COLQ: variants seen among roughly 807,000 people sequenced by gnomAD.
COLQ encodes acetylcholinesterase collagenic tail peptide.
A neutral mutation model predicts 69.0 loss-of-function variants in COLQ; 48 were observed. That is an observed-to-expected ratio of 0.70 (90% CI 0.55 to 0.88). COLQ has a LOEUF of 0.88. Ranked by LOEUF, COLQ falls within the 40% of genes least tolerant of loss-of-function variation. COLQ has a pLI of 0.00. For synonymous variants in COLQ, 217 were observed against 211.2 expected, an observed-to-expected ratio of 1.03 and a Z score of -0.24; for missense variants, 618 against 594.6, an observed-to-expected ratio of 1.04 and a Z score of -0.41.
chr3:15,518,468 G>A, intron 1 of COLQ, among the ~76,000 whole-genome samples: 1 of 152,214 alleles, frequency 6.6e-6, no homozygotes, highest in East Asian at 1.9e-4. Flanking sequence ...GCCTGAAATA[G>A]TTTTGTGTGT....
In COLQ at chr3:15,455,982, T is replaced by C; in HGVS notation, c.1112A>G (p.Gln371Arg). The C allele has an allele frequency of 6.2e-7, 1 of 1,614,004 alleles. No individual in the cohort carries two copies. The highest frequency in any genetic ancestry group is 8.5e-7 in the Non-Finnish European group (1 of 1,179,950). Residue 371 changes from glutamine to arginine, a missense_variant, in exon 15 of 17, where the codon CAG (glutamine) becomes CGG (arginine). By Grantham distance (43) the Gln-to-Arg change is conservative. Transcript: ENST00000383788. ...GAGCCCATCCCCACAGGTGCCGTGC[T>C]GGTCTGCAGTGTAATCCACAGGGTA... ...PFYPVDYTAD[Q>R]HGTCGDGLLQ... is the part of the protein sequence containing the mutation.
At chr3:15,478,783 C>G (rs2062424680) in intron 5 of COLQ, 194 bp downstream of exon 5, 1 of 697,922 alleles carries the variant, frequency 1.4e-6, no homozygotes, top group Non-Finnish European at 2.5e-6. Flanking sequence ...GTAGCAGGCT[C>G]CTGCTCCTGA....
At chr3:15,468,226 A>T (rs1234539510) in intron 11 of COLQ, among the ~76,000 whole-genome samples, 1 of 151,450 alleles carries the variant, frequency 6.6e-6, no homozygotes, top group Non-Finnish European at 1.5e-5. Flanking sequence ...AGCAGGACTC[A>T]CTGAGTAGAG....
At chr3:15,501,007 C>A (rs2062821894) in intron 1 of COLQ, among the ~76,000 whole-genome samples, 1 of 152,166 alleles carries the variant, frequency 6.6e-6, no homozygotes, top group Non-Finnish European at 1.5e-5. Context: ...GTCTGTGATT[C>A]CTGAAACATC....
chr3:15,502,628 G>A (rs1463317168), intron 1 of COLQ, among the ~76,000 whole-genome samples: 1 of 152,112 alleles, frequency 6.6e-6, no homozygotes, highest in Non-Finnish European at 1.5e-5. Context: ...TGCCCAGGCT[G>A]GTCTTGAACT....
chr3:15,467,404 G>A (rs1456874480), intron 11 of COLQ, among the ~76,000 whole-genome samples: 1 of 152,250 alleles, frequency 6.6e-6, no homozygotes, highest in African/African-American at 2.4e-5. Flanking sequence ...GGTTTGTACA[G>A]AACGAAGAGC....
intron 14 of COLQ, 95 bp from the exon 15 acceptor site, chr3:15,456,114 G>A (rs192611720): frequency 7.0e-6 from 10 of 1,432,396 alleles, no homozygotes; most frequent in Non-Finnish European, 9.7e-6. Flanking sequence ...GGCACTGCTG[G>A]GGGGCATGCC....
At chr3:15,505,975 G>T (rs1397583940) in intron 1 of COLQ, among the ~76,000 whole-genome samples, 1 of 152,120 alleles carries the variant, frequency 6.6e-6, no homozygotes, top group East Asian at 1.9e-4. Flanking sequence ...ATTGTCCAAG[G>T]GTCCACAACA....
In COLQ at chr3:15,520,310, G is replaced by GC. The variant is rs547594283; in HGVS notation, c.106+1209dup. On this transcript the variant is annotated intron_variant, in intron 1 of 16. Coordinates refer to ENST00000383788, the MANE Select transcript of COLQ (RefSeq NM_005677.4). ...ACCCTCCTGAATTCTCCACAAATCT[G>GC]CCCCCACCTCCTTCTGTTTCTCACA... 1.3e-3 allele frequency among the ~76,000 whole-genome samples: 191 copies of GC among 152,278 alleles called. 2 individuals carry two copies. The highest frequency in any genetic ancestry group is 5.7e-4 in the Non-Finnish European group (39 of 68,030).
intron 2 of COLQ, 64 bp downstream of exon 2, chr3:15,489,461 G>T: frequency 6.8e-7 from 1 of 1,468,704 alleles, no homozygotes; most frequent in Non-Finnish European, 9.5e-7. Flanking sequence ...AGGCAGGTGG[G>T]GCTGCGTGGT....
chr3:15,507,819 T>C (rs1000524447), intron 1 of COLQ, among the ~76,000 whole-genome samples: 1 of 152,234 alleles, frequency 6.6e-6, no homozygotes, highest in East Asian at 1.9e-4. Flanking sequence ...TTCAAACATT[T>C]TGAAGCCATT....
intron 11 of COLQ, among the ~76,000 whole-genome samples, chr3:15,467,297 G>A (rs939236722): frequency 2.0e-5 from 3 of 152,206 alleles, no homozygotes; most frequent in Non-Finnish European, 2.9e-5. Context: ...TCATGTCATT[G>A]CTTTGTACCT....
chr3:15,482,501 C>T lies in COLQ; in HGVS notation c.322-3119G>A, dbSNP rs1350554167. On this transcript the variant is annotated intron_variant, in intron 3 of 16. Coordinates refer to ENST00000383788, the MANE Select transcript of COLQ (RefSeq NM_005677.4). ...TTTTGTCTTTGGTTCTGTTTATATGCTGGATTACATTTATTGATTTGCATA... is the reference window on the plus strand; with the variant it reads ...TTTTGTCTTTGGTTCTGTTTATATGTTGGATTACATTTATTGATTTGCATA... Among the ~76,000 whole-genome samples, 4 of 152,204 alleles carry T rather than the reference C, an allele frequency of 2.6e-5. No individual in the cohort carries two copies. In the South Asian group the frequency reaches 8.3e-4, roughly 32 times the overall value.
intron 12 of COLQ, among the ~76,000 whole-genome samples, chr3:15,462,738 G>A (rs958587659): frequency 2.6e-5 from 4 of 152,230 alleles, no homozygotes; most frequent in African/African-American, 9.6e-5. Context: ...GCAATGACCA[G>A]GGCTCAGGGG....
At chr3:15,482,830 C>T (rs564470215) in intron 3 of COLQ, among the ~76,000 whole-genome samples, 131 of 152,230 alleles carry the variant, frequency 8.6e-4, no homozygotes, top group African/African-American at 2.9e-3. Flanking sequence ...GCTATGAATC[C>T]GTCTGGTCCT....
Position 15,461,177 on chromosome 3 carries a change from T to C in COLQ, c.815-2852A>G, listed in dbSNP as rs114243323. On this transcript the variant is annotated intron_variant, in intron 12 of 16. Transcript: ENST00000383788. ...TATTGCAAATTACATCCTAAAGGCA[T>C]TTTGCCTTTATTCCCCCCCCGACCT... 7.1e-3 allele frequency among the ~76,000 whole-genome samples: 1,072 copies of C among 150,736 alleles called. 12 individuals are homozygous for C. Among genetic ancestry groups the C allele is most frequent in the African/African-American group, 0.025 (1,008 of 40,666 alleles).
Position 15,466,431 on chromosome 3 carries a change from T to C in COLQ, c.724A>G (p.Lys242Glu). The C allele has an allele frequency of 6.2e-7, 1 of 1,614,004 alleles. No individual in the cohort carries two copies. The highest frequency in any genetic ancestry group is 2.2e-5 in the East Asian group (1 of 44,892). Residue 242 changes from lysine to glutamate, a missense_variant, in exon 12 of 17, where the codon AAA (lysine) becomes GAA (glutamate). By Grantham distance (56) the Lys-to-Glu change is moderately conservative. Coordinates refer to ENST00000383788, the MANE Select transcript of COLQ (RefSeq NM_005677.4). ...RPGKRGKQGQ[K>E]GDSGVMGPPG... ...GGGCCCATAACTCCACTATCCCCTT[T>C]CTGTCCCTGACAGAGAGAAAGGCAG...
At chr3:15,509,129 T>C (rs1484681784) in intron 1 of COLQ, among the ~76,000 whole-genome samples, 1 of 152,156 alleles carries the variant, frequency 6.6e-6, no homozygotes, top group Non-Finnish European at 1.5e-5. Flanking sequence ...GGCCAGAATA[T>C]TGGGCATCTA....
intron 3 of COLQ, among the ~76,000 whole-genome samples, chr3:15,481,597 T>G (rs995636908): frequency 6.6e-6 from 1 of 152,234 alleles, no homozygotes; most frequent in African/African-American, 2.4e-5. Context: ...GCCAGTACCA[T>G]GCTGTCTTGG....
Sources: allele counts gnomAD v4.1 joint callset (sites outside exome capture counted in the v4.1 genomes callset), GRCh38; gene constraint gnomAD v4.1.1; transcripts MANE v1.5; gene names NCBI Gene and HGNC (gene_info 2026-07-23, HGNC 2026-07-21).